PDXK: variants seen among roughly 807,000 people sequenced by gnomAD.
The protein encoded by PDXK is pyridoxal kinase, also known as epididymis secretory sperm binding protein Li 1a.
A neutral mutation model predicts 43.2 loss-of-function variants in PDXK; 15 were observed. That is an observed-to-expected ratio of 0.35 (90% CI 0.23 to 0.53). The LOEUF (loss-of-function observed/expected upper bound fraction) is 0.53, where lower values mean the gene tolerates loss of function less well. Among genes scored for constraint, PDXK ranks in the 20% least tolerant of loss-of-function variants. The pLI, the probability that PDXK is intolerant of heterozygous loss-of-function variation, is 0.92. For synonymous variants in PDXK, 172 were observed against 165.4 expected (o/e 1.04, Z -0.31); for missense variants, 343 against 417.0 (o/e 0.82, Z 1.54).
chr21:43,753,014 G>A (rs937394989), intron 8 of PDXK, among the ~76,000 whole-genome samples: 2 of 152,192 alleles, frequency 1.3e-5, no homozygotes, highest in Admixed American at 1.3e-4. Flanking sequence ...GCTAGTGGCC[G>A]CGGGTTCATA....
At chr21:43,750,038 G>A (rs947295554) in intron 6 of PDXK, among the ~76,000 whole-genome samples, 1 of 150,420 alleles carries the variant, frequency 6.6e-6, no homozygotes, top group Middle Eastern at 3.5e-3. Context: ...ATTCACGCAG[G>A]GGTGGGGGCG....
intron 9 of PDXK, among the ~76,000 whole-genome samples, chr21:43,755,088 A>G (rs2083823079): frequency 6.6e-6 from 1 of 152,222 alleles, no homozygotes. Flanking sequence ...CCTCACTGCC[A>G]GGCCGCCCAA....
At position 43,732,212 on chromosome 21, in the gene PDXK, C is replaced by A; in HGVS notation, c.88-1857C>A. On this transcript the variant is annotated intron_variant, in intron 1 of 10. Coordinates refer to ENST00000291565, the MANE Select transcript of PDXK (RefSeq NM_003681.5). This position sits in a 1 kb window ranked among gnomAD's most constrained non-coding sequence, Gnocchi z 4.1. ...CCACTGCTGTACAGAGATGCCAATT[C>A]CAGAGGCATGGTCCGGCACAGAGCG... The A allele has an allele frequency of 7.0e-7, 1 of 1,438,436 alleles. No individual in the cohort carries two copies. The highest frequency in any genetic ancestry group is 9.1e-7 in the Non-Finnish European group (1 of 1,101,480). The allele number at this position is 1,438,436 out of a possible 1,614,324, so 89.1% of individuals were successfully genotyped here. A position where few individuals can be genotyped will look rare whatever the true frequency, so the allele number is the denominator to read the frequency against.
rs199512105 is a variant in PDXK at position 43,741,663 on chromosome 21, C to T, written c.143-4C>T. The stretch of plus-strand genomic sequence containing the variant: ...TGAGCCCCCATGGCTTCCTCTGCCT[C>T]TAGGCTATGCCCACTGGAAGGGCCA... On this transcript the variant is annotated splice_polypyrimidine_tract_variant and splice_region_variant and intron_variant, in intron 2 of 10. Transcript: ENST00000291565. 6.2e-6 allele frequency: 10 copies of T among 1,611,560 alleles called. No individual in the cohort carries two copies. Among genetic ancestry groups the T allele is most frequent in the South Asian group, 5.5e-5 (5 of 90,998 alleles).
At chr21:43,731,054 A>G (rs1308603346) in intron 1 of PDXK, among the ~76,000 whole-genome samples, 1 of 151,536 alleles carries the variant, frequency 6.6e-6, no homozygotes, top group Admixed American at 6.6e-5. Flanking sequence ...CTGGTCTTGA[A>G]CTCCTGGGCT....
chr21:43,740,456 A>C (rs990297804), intron 2 of PDXK, among the ~76,000 whole-genome samples: 1 of 152,060 alleles, frequency 6.6e-6, no homozygotes, highest in African/African-American at 2.4e-5. Flanking sequence ...GGCATGCATT[A>C]GAGGGGTGAT....
At position 43,719,353 on chromosome 21, in the gene PDXK, G is replaced by C. The variant is rs1483365047; in HGVS notation, c.59G>C (p.Gly20Ala). The C allele has an allele frequency of 6.6e-7, 1 of 1,525,666 alleles. No individual in the cohort carries two copies. The highest frequency in any genetic ancestry group is 8.8e-7 in the Non-Finnish European group (1 of 1,137,852). The allele number at this position is 1,525,666 out of a possible 1,614,324, so 94.5% of individuals were successfully genotyped here. A position where few individuals can be genotyped will look rare whatever the true frequency, so the allele number is the denominator to read the frequency against. The change falls in exon 1 of 11, where the codon GGC (glycine) becomes GCC (alanine). Residue 20 changes from glycine (G) to alanine (A), a missense_variant. Coordinates refer to ENST00000291565, the MANE Select transcript of PDXK (RefSeq NM_003681.5). Reference protein sequence around the residue: ...IQSHVIRGYVGNRAATFPLQV... With the variant: ...IQSHVIRGYVANRAATFPLQV... ...AGCCACGTCATCCGCGGCTACGTGG[G>C]CAACCGGGCGGCCACGTTCCCGCTG...
Position 43,734,427 on chromosome 21 carries a change from G to A in PDXK, c.142+304G>A, listed in dbSNP as rs982120795. On this transcript the variant is annotated intron_variant, in intron 2 of 10. Coordinates refer to ENST00000291565, the MANE Select transcript of PDXK (RefSeq NM_003681.5). The surrounding 1 kb of genome is among the most constrained non-coding windows in gnomAD (Gnocchi z 5.0). ...AGTTTCCTTCTCTGTAAGACAGGAG[G>A]GCAATCCTAACACCTGCCGTGAGGT... Among the ~76,000 whole-genome samples the A allele has an allele frequency of 6.6e-6, 1 of 152,168 alleles. No individual in the cohort carries two copies. The highest frequency in any genetic ancestry group is 2.1e-4 in the South Asian group (1 of 4,828).
Position 43,739,318 on chromosome 21 carries a change from C to T in PDXK, c.143-2349C>T, listed in dbSNP as rs574964580. 7.0e-4 allele frequency among the ~76,000 whole-genome samples: 107 copies of T among 152,294 alleles called. 1 individual carries two copies. The highest frequency in any genetic ancestry group is 2.4e-3 in the African/African-American group (98 of 41,560). ...GATTACAGGCGTGAGCCACCGCACC[C>T]GGCCCCACCTTTATGAACTCTTAAC... On this transcript the variant is annotated intron_variant, in intron 2 of 10. Transcript: ENST00000291565.
In PDXK at chr21:43,732,377, G is replaced by A. The variant is rs78804003; in HGVS notation, c.88-1692G>A. 1.9e-6 allele frequency: 3 copies of A among 1,611,890 alleles called. No homozygotes were observed. In the East Asian group the frequency reaches 6.7e-5, roughly 36 times the overall value. On this transcript the variant is annotated intron_variant, in intron 1 of 10. Coordinates refer to ENST00000291565, the MANE Select transcript of PDXK (RefSeq NM_003681.5). The surrounding 1 kb of genome is among the most constrained non-coding windows in gnomAD (Gnocchi z 4.1). ...TGGCTTTGTCTGGCACATGAAGTTG[G>A]ATGGGTAGACTCTGGAAGCGTCCAG...
Position 43,732,287 on chromosome 21 carries a change from G to A in PDXK, c.88-1782G>A. 6.4e-7 allele frequency: 1 copy of A among 1,563,018 alleles called. No homozygotes were observed. The highest frequency in any genetic ancestry group is 1.2e-5 in the South Asian group (1 of 83,700). On this transcript the variant is annotated intron_variant, in intron 1 of 10. Coordinates refer to ENST00000291565, the MANE Select transcript of PDXK (RefSeq NM_003681.5). The surrounding 1 kb of genome is among the most constrained non-coding windows in gnomAD (Gnocchi z 4.1). ...GTAACAGCAGGAGATACCTTTCTCT[G>A]GGGTCCCAGGCTCCCGTCCTGGACC...
At chr21:43,755,916 A>G in intron 10 of PDXK, 35 bp from the exon 11 acceptor site, 1 of 1,540,758 alleles carries the variant, frequency 6.5e-7, no homozygotes. Flanking sequence ...AGCCCCTCTG[A>G]GATGGGAACT....
intron 1 of PDXK, chr21:43,719,672 GC>G: frequency 1.0e-6 from 1 of 985,438 alleles, no homozygotes; most frequent in Non-Finnish European, 1.2e-6. Context: ...GCTCGTCCTC[GC>G]CCCTTCCCGC....
At chr21:43,740,606 G>A (rs145959832) in intron 2 of PDXK, among the ~76,000 whole-genome samples, 19 of 152,056 alleles carry the variant, frequency 1.2e-4, no homozygotes, top group East Asian at 9.7e-4. Flanking sequence ...GTCAGGTTCC[G>A]CAGTGCAGGA....
At position 43,756,070 on chromosome 21, in the gene PDXK, C is replaced by G. The variant is rs751340592; in HGVS notation, c.*7C>G. On this transcript the variant is annotated 3_prime_UTR_variant, in exon 11 of 11. Coordinates refer to ENST00000291565, the MANE Select transcript of PDXK (RefSeq NM_003681.5). ...CCAGGCCACGGTGCTGTGAGGGCCCCGCCGCTTGCCCGTGACACGCAGCGC... is the reference window on the plus strand; with the variant it reads ...CCAGGCCACGGTGCTGTGAGGGCCCGGCCGCTTGCCCGTGACACGCAGCGC... 6.4e-7 allele frequency: 1 copy of G among 1,555,320 alleles called. No homozygotes were observed. Among genetic ancestry groups the G allele is most frequent in the Admixed American group, 1.7e-5 (1 of 58,912 alleles).
intron 2 of PDXK, among the ~76,000 whole-genome samples, chr21:43,736,621 C>T (rs2083406954): frequency 6.8e-6 from 1 of 146,286 alleles, no homozygotes; most frequent in Non-Finnish European, 1.5e-5. Context: ...TTTCCTTTTC[C>T]TTTTTCTGTT....
rs1372840949 is a variant in PDXK at position 43,761,790 on chromosome 21, G to A, written c.*5727G>A. 1 of 152,418 alleles carries A rather than the reference G, an allele frequency of 6.6e-6. No individual in the cohort carries two copies. Among genetic ancestry groups the A allele is most frequent in the East Asian group, 1.9e-4 (1 of 5,150 alleles). 9.4% of individuals were successfully genotyped at this position (152,418 alleles called of 1,614,324 possible). A position where few individuals can be genotyped will look rare whatever the true frequency, so the allele number is the denominator to read the frequency against. ...GTGTCGAGCAGCTGGGAGAACCTGT[G>A]TCAAGCTCGAGCCGTCATAGGTCCC... On this transcript the variant is annotated 3_prime_UTR_variant, in exon 11 of 11. Coordinates refer to ENST00000291565, the MANE Select transcript of PDXK (RefSeq NM_003681.5).
rs2147236369 is a variant in PDXK, at chr21:43,735,063, G to A, written c.142+940G>A. ...GTGAGAGGAAAGAGTTGCTTGGCCGGTGCAGACGGACAGGCTCCAGCTCTT... is the reference window on the plus strand; with the variant it reads ...GTGAGAGGAAAGAGTTGCTTGGCCGATGCAGACGGACAGGCTCCAGCTCTT... On this transcript the variant is annotated intron_variant, in intron 2 of 10. Coordinates refer to ENST00000291565, the MANE Select transcript of PDXK (RefSeq NM_003681.5). This position sits in a 1 kb window ranked among gnomAD's most constrained non-coding sequence, Gnocchi z 5.3. 6.6e-6 allele frequency among the ~76,000 whole-genome samples: 1 copy of A among 152,342 alleles called. No individual in the cohort carries two copies. Among genetic ancestry groups the A allele is most frequent in the Non-Finnish European group, 1.5e-5 (1 of 68,030 alleles).
At position 43,761,380 on chromosome 21, in the gene PDXK, CCTGCCCGTCAGTG is replaced by C. The variant is rs1479171151; in HGVS notation, c.*5321_*5333del. The C allele has an allele frequency of 6.4e-6, 1 of 156,140 alleles. No homozygotes were observed. The highest frequency in any genetic ancestry group is 1.4e-5 in the Non-Finnish European group (1 of 69,598). The allele number at this position is 156,140 out of a possible 1,614,324, so 9.7% of individuals were successfully genotyped here. On this transcript the variant is annotated 3_prime_UTR_variant, in exon 11 of 11. Coordinates refer to ENST00000291565, the MANE Select transcript of PDXK (RefSeq NM_003681.5). ...GGCCACTCACCCCATGCATCTCTGT[CCTGCCCGTCAGTG>C]CTGGGACGGACAGCAAGGGCAAGCC...
Sources: allele counts gnomAD v4.1 joint callset (sites outside exome capture counted in the v4.1 genomes callset), GRCh38; gene constraint gnomAD v4.1.1; non-coding constraint Gnocchi (gnomAD v3.1); transcripts MANE v1.5; gene names NCBI Gene and HGNC (gene_info 2026-07-23, HGNC 2026-07-21).